Variants in SRP54 observed in about 807,000 individuals in gnomAD.
The protein encoded by SRP54 is signal recognition particle subunit SRP54.
A neutral mutation model predicts 64.8 loss-of-function variants in SRP54; 10 were observed. The ratio of observed to expected loss-of-function variants is 0.15; its 90% CI spans 0.10 to 0.26. The LOEUF (loss-of-function observed/expected upper bound fraction) is 0.26. Ranked by LOEUF, SRP54 falls within the 10% of genes least tolerant of loss-of-function variation. The pLI is 1.00. For missense variants in SRP54, 325 were observed against 613.7 expected (o/e 0.53, Z 4.97); for synonymous variants, 193 against 185.6 (o/e 1.04, Z -0.32).
intron 1 of SRP54, among the ~76,000 whole-genome samples, chr14:34,992,678 C>T (rs1405593790): frequency 6.6e-6 from 1 of 151,988 alleles, no homozygotes; most frequent in Admixed American, 6.6e-5. Context: ...TGAAAAAGTA[C>T]CTCTTGGGTT....
rs574590440 is a variant in SRP54 at position 35,024,278 on chromosome 14, C to T, written c.1327+1198C>T. Among the ~76,000 whole-genome samples, 4 of 152,308 alleles carry T rather than the reference C, an allele frequency of 2.6e-5. No homozygotes were observed. The East Asian group carries it at 7.7e-4, about 29-fold the overall frequency. On this transcript the variant is annotated intron_variant, in intron 14 of 15. Coordinates refer to ENST00000216774, the MANE Select transcript of SRP54 (RefSeq NM_003136.4). ...TCCTGACCTCAAATGATGTGCCCGCCTCGGACTCCCAAAGTGCTGGGATTA... is the reference window on the plus strand; with the variant it reads ...TCCTGACCTCAAATGATGTGCCCGCTTCGGACTCCCAAAGTGCTGGGATTA...
Position 35,011,758 on chromosome 14 carries a change from T to G in SRP54, c.636+99T>G, listed in dbSNP as rs146206768. 367 of 1,067,874 alleles carry G rather than the reference T, an allele frequency of 3.4e-4. No homozygotes were observed. The East Asian group carries it at 6.7e-3, about 20-fold the overall frequency. 66.1% of individuals were successfully genotyped at this position (1,067,874 alleles called of 1,614,324 possible). On this transcript the variant is annotated intron_variant, in intron 8 of 15. Coordinates refer to ENST00000216774, the MANE Select transcript of SRP54 (RefSeq NM_003136.4). Reference sequence around the variant, plus strand: ...ACCAATATAAATTATTCTTTGCCTGTGAGGCAGATCCCCAGTAATTTATTT... The same window carrying G: ...ACCAATATAAATTATTCTTTGCCTGGGAGGCAGATCCCCAGTAATTTATTT...
At chr14:34,983,804 G>T (rs1294724016) in intron 1 of SRP54, among the ~76,000 whole-genome samples, 7 of 152,158 alleles carry the variant, frequency 4.6e-5, no homozygotes, top group African/African-American at 1.7e-4. Flanking sequence ...ATACAGAAAT[G>T]AATAACACTA....
Position 35,013,788 on chromosome 14 carries a change from C to CTT in SRP54, c.786-6_786-5dup. On this transcript the variant is annotated splice_polypyrimidine_tract_variant and intron_variant, in intron 9 of 15. Coordinates refer to ENST00000216774, the MANE Select transcript of SRP54 (RefSeq NM_003136.4). ...TTCTTTTGAGGTTATTTTATATTTTCTTTTTTTTTCCAGAGTCGCTGCCAC... is the reference window on the plus strand; with the variant it reads ...TTCTTTTGAGGTTATTTTATATTTTCTTTTTTTTTTTCCAGAGTCGCTGCCAC... 1 of 1,554,540 alleles carries CTT rather than the reference C, an allele frequency of 6.4e-7. No individual in the cohort carries two copies. Among genetic ancestry groups the CTT allele is most frequent in the Non-Finnish European group, 8.8e-7 (1 of 1,140,922 alleles).
chr14:35,023,115 G>T (rs868316287), intron 14 of SRP54, 35 bp downstream of exon 14: 13 of 1,407,560 alleles, frequency 9.2e-6, no homozygotes, highest in Middle Eastern at 1.8e-4. Flanking sequence ...GTTAACAGAC[G>T]GAAAAGAAAG....
At chr14:35,001,889 A>C (rs1040205406) in intron 4 of SRP54, among the ~76,000 whole-genome samples, 1 of 152,122 alleles carries the variant, frequency 6.6e-6, no homozygotes, top group South Asian at 2.1e-4. Context: ...TAGAAAAAAA[A>C]AGAAAGGAGC....
chr14:35,019,829 A>G (rs1453027360), intron 13 of SRP54, among the ~76,000 whole-genome samples: 1 of 152,194 alleles, frequency 6.6e-6, no homozygotes, highest in Non-Finnish European at 1.5e-5. Flanking sequence ...ACTGTAGTCT[A>G]TTAAGTGTGC....
At chr14:35,010,073 G>A (rs558647823) in intron 7 of SRP54, among the ~76,000 whole-genome samples, 2 of 151,772 alleles carry the variant, frequency 1.3e-5, no homozygotes, top group Admixed American at 6.6e-5. Flanking sequence ...GCTTGAATCT[G>A]GGAGGCGAAG....
chr14:34,993,450 A>G (rs1293819376), intron 1 of SRP54: 3 of 151,274 alleles, frequency 2.0e-5, no homozygotes, highest in South Asian at 2.1e-4. Context: ...ATGGTAAGCA[A>G]TTTTTTTTTC....
At chr14:34,987,871 G>A (rs2043922857) in intron 1 of SRP54, among the ~76,000 whole-genome samples, 4 of 152,070 alleles carry the variant, frequency 2.6e-5, no homozygotes, top group African/African-American at 9.7e-5. Flanking sequence ...ATGCAGTTTT[G>A]TAGTCTGCCT....
intron 1 of SRP54, among the ~76,000 whole-genome samples, chr14:34,990,874 T>G (rs1314385219): frequency 6.6e-6 from 1 of 152,232 alleles, no homozygotes; most frequent in Non-Finnish European, 1.5e-5. Flanking sequence ...TTCATCATAT[T>G]ATCTTCATTG....
At chr14:35,017,341 GTGACCTT>G (rs1156924177) in intron 11 of SRP54, among the ~76,000 whole-genome samples, 3 of 152,080 alleles carry the variant, frequency 2.0e-5, no homozygotes, top group African/African-American at 7.2e-5. Context: ...TCCACATGTA[GTGACCTT>G]TCTTGTTTTC....
chr14:34,991,657 A>G (rs975487106), intron 1 of SRP54, among the ~76,000 whole-genome samples: 3 of 149,750 alleles, frequency 2.0e-5, no homozygotes, highest in Non-Finnish European at 4.4e-5. Flanking sequence ...GTACCGAGAC[A>G]CTGAGGTGGA....
In SRP54 at chr14:35,029,101, A is replaced by G; in HGVS notation, c.1464A>G (p.Gln488=). 1 of 1,614,036 alleles carries G rather than the reference A, an allele frequency of 6.2e-7. No homozygotes were observed. The highest frequency in any genetic ancestry group is 8.5e-7 in the Non-Finnish European group (1 of 1,179,988). ...TTCAGTCAATGATGAGGCAGTTTCA[A>G]CAGGGTGCTGCTGGCAACATGAAAG... ...AGLQSMMRQF[Q]QGAAGNMKGM... is the part of the protein sequence containing the mutation. The change falls in exon 16 of 16, where the codon CAA becomes CAG. Residue 488 remains glutamine (Q), a synonymous_variant. Coordinates refer to ENST00000216774, the MANE Select transcript of SRP54 (RefSeq NM_003136.4).
chr14:35,009,305 C>T (rs1176753435), intron 7 of SRP54, among the ~76,000 whole-genome samples: 6 of 130,076 alleles, frequency 4.6e-5, no homozygotes, highest in African/African-American at 1.6e-4. Flanking sequence ...CTCAGCCTCC[C>T]GAAGGGCTGG....
chr14:35,007,049 T>C (rs2044267740), intron 4 of SRP54, among the ~76,000 whole-genome samples: 1 of 152,028 alleles, frequency 6.6e-6, no homozygotes, highest in Non-Finnish European at 1.5e-5. Flanking sequence ...TTTAGTTAAC[T>C]AGGTGTGGTG....
At chr14:35,028,007 T>C in intron 14 of SRP54, 81 bp from the exon 15 acceptor site, 1 of 778,198 alleles carries the variant, frequency 1.3e-6, no homozygotes, top group South Asian at 2.6e-5. Flanking sequence ...TCTCAGTTCA[T>C]CAAACTTTCT....
intron 13 of SRP54, among the ~76,000 whole-genome samples, chr14:35,020,780 A>G (rs1245570640): frequency 6.6e-6 from 1 of 152,192 alleles, no homozygotes; most frequent in East Asian, 1.9e-4. Context: ...CACTTTAAAT[A>G]TATTAATTCA....
At chr14:34,994,932 C>CTTTTTT (rs59058538) in intron 1 of SRP54, among the ~76,000 whole-genome samples, 1 of 84,498 alleles carries the variant, frequency 1.2e-5, no homozygotes, top group African/African-American at 4.8e-5. Flanking sequence ...TGCCTGGCTA[C>CTTTTTT]TTTTTTTTTT....
Sources: gnomAD v4.1 joint callset for allele counts (sites outside exome capture counted in the v4.1 genomes callset) on GRCh38, gnomAD v4.1.1 for gene constraint, MANE v1.5 for transcripts, NCBI Gene and HGNC (gene_info 2026-07-23, HGNC 2026-07-21) for gene names.